The following DGKI variants were observed in gnomAD, a reference collection of about 807,000 sequenced individuals.
The protein encoded by DGKI is DAG kinase iota.
DGKI carries 55 observed loss-of-function variants against 147.5 expected under a neutral mutation model. That is an observed-to-expected ratio of 0.37 (90% CI 0.30 to 0.47). The LOEUF is 0.47. DGKI is among the 20% of genes least tolerant of loss of function. The pLI, the probability that DGKI is intolerant of heterozygous loss-of-function variation, is 1.00. For missense variants in DGKI, 1,007 were observed against 1,323.8 expected (o/e 0.76, Z 3.71); for synonymous variants, 469 against 477.1 (o/e 0.98, Z 0.22).
intron 1 of DGKI, among the ~76,000 whole-genome samples, chr7:137,809,669 C>A (rs773137677): frequency 6.6e-6 from 1 of 152,090 alleles, no homozygotes. Context: ...CATTCTTGGA[C>A]GCCAAGGAAG....
rs780728317 is a variant in DGKI at position 137,444,101 on chromosome 7, A to T, written c.2737T>A (p.Ser913Thr). The T allele has an allele frequency of 1.3e-6, 2 of 1,502,900 alleles. No individual in the cohort carries two copies. Among genetic ancestry groups the T allele is most frequent in the Non-Finnish European group, 1.8e-6 (2 of 1,102,216 alleles). The allele number at this position is 1,502,900 out of a possible 1,614,324, so 93.1% of individuals were successfully genotyped here. The change falls in exon 28 of 33, where the codon TCA (serine) becomes ACA (threonine). Residue 913 changes from serine (S) to threonine (T), a missense_variant and splice_region_variant. Ser to Thr is a moderately conservative substitution (Grantham distance 58, BLOSUM62 1). Transcript: ENST00000614521. ...KDLSHSRVLQ[S>T]PVSSEDHAIL... ...CCATGATCTTCTGAAGAGACTGGTG[A>T]CCTAAAAGGAAATAATAAGCATGAT...
chr7:137,781,177 C>CA (rs1796507496), intron 1 of DGKI, among the ~76,000 whole-genome samples: 1 of 152,064 alleles, frequency 6.6e-6, no homozygotes, highest in Non-Finnish European at 1.5e-5. Flanking sequence ...CTGAGACAGC[C>CA]ATATCAGGAC....
Position 137,540,761 on chromosome 7 carries a change from CCAAAAAAAAAA to C in DGKI, c.2147+11597_2147+11607del, listed in dbSNP as rs1585212386. 5.1e-4 allele frequency among the ~76,000 whole-genome samples: 18 copies of C among 35,540 alleles called. No individual in the cohort carries two copies. The East Asian group carries it at 0.014, about 28-fold the overall frequency. 23.3% of individuals were successfully genotyped at this position (35,540 alleles called of 152,430 possible). A position where few individuals can be genotyped will look rare whatever the true frequency, so the allele number is the denominator to read the frequency against. ...GGAAACAAACATTTTAAAAACCCCCCCAAAAAAAAAAAAAAAAAAAAAAAAAACATTTACAA... is the reference window on the plus strand; with the variant it reads ...GGAAACAAACATTTTAAAAACCCCCCAAAAAAAAAAAAAAAACATTTACAA... On this transcript the variant is annotated intron_variant, in intron 20 of 32. Coordinates refer to ENST00000614521, the MANE Select transcript of DGKI (RefSeq NM_001321708.2).
At chr7:137,541,147 G>A (rs1817688488) in intron 20 of DGKI, among the ~76,000 whole-genome samples, 1 of 152,156 alleles carries the variant, frequency 6.6e-6, no homozygotes, top group African/African-American at 2.4e-5. Context: ...TTACTATAAA[G>A]GTACAATAAT....
intron 1 of DGKI, among the ~76,000 whole-genome samples, chr7:137,780,685 T>C (rs1233282844): frequency 6.6e-6 from 1 of 152,202 alleles, no homozygotes; most frequent in African/African-American, 2.4e-5. Context: ...TCACATAACA[T>C]GATGTTTCAG....
At chr7:137,589,685 G>C (rs1819538955) in intron 12 of DGKI, among the ~76,000 whole-genome samples, 1 of 152,128 alleles carries the variant, frequency 6.6e-6, no homozygotes, top group African/African-American at 2.4e-5. Context: ...TAAATACTCA[G>C]AAAAAGCCCA....
intron 3 of DGKI, among the ~76,000 whole-genome samples, chr7:137,670,579 GCAGA>G (rs1822808990): frequency 6.6e-6 from 1 of 152,232 alleles, no homozygotes; most frequent in Non-Finnish European, 1.5e-5. Context: ...GAACTCAGTA[GCAGA>G]CAGTGTGTCT....
rs760974793 is a variant in DGKI, at chr7:137,469,525, T to C, written c.2443+25A>G. The C allele has an allele frequency of 3.7e-6, 6 of 1,612,610 alleles. No individual in the cohort carries two copies. The East Asian group carries it at 1.1e-4, about 30-fold the overall frequency. ...TCTTCAACTTCCCCAACTCCCACGATACCCGCAAGAAAGGCAGAACTCACC... is the reference window on the plus strand; with the variant it reads ...TCTTCAACTTCCCCAACTCCCACGACACCCGCAAGAAAGGCAGAACTCACC... On this transcript the variant is annotated intron_variant, in intron 24 of 32. Coordinates refer to ENST00000614521, the MANE Select transcript of DGKI (RefSeq NM_001321708.2).
At chr7:137,596,691 T>C (rs1308504659) in intron 12 of DGKI, among the ~76,000 whole-genome samples, 1 of 152,174 alleles carries the variant, frequency 6.6e-6, no homozygotes, top group Non-Finnish European at 1.5e-5. Flanking sequence ...AAAGACTATT[T>C]TTCCCAACTG....
chr7:137,394,030 T>C (rs1585071285), intron 32 of DGKI, among the ~76,000 whole-genome samples: 1 of 152,184 alleles, frequency 6.6e-6, no homozygotes, highest in African/African-American at 2.4e-5. Context: ...GCCCCAAACC[T>C]GAGCTACTCG....
At chr7:137,497,966 A>T (rs978186602) in intron 21 of DGKI, among the ~76,000 whole-genome samples, 2 of 152,120 alleles carry the variant, frequency 1.3e-5, no homozygotes, top group Non-Finnish European at 2.9e-5. Flanking sequence ...AAGTTTTTTT[A>T]AAAATAGAAA....
At chr7:137,809,249 G>A (rs184117982) in intron 1 of DGKI, among the ~76,000 whole-genome samples, 5 of 152,194 alleles carry the variant, frequency 3.3e-5, no homozygotes, top group Non-Finnish European at 7.4e-5. Flanking sequence ...AACTGGAGAC[G>A]GGAACAGGAG....
At position 137,587,092 on chromosome 7, in the gene DGKI, C is replaced by A; in HGVS notation, c.1425+5G>T. On this transcript the variant is annotated splice_donor_5th_base_variant and intron_variant, in intron 13 of 32. Transcript: ENST00000614521. The stretch of plus-strand genomic sequence containing the variant: ...ATATGGGCAGTCCCCGAGAGCAGTT[C>A]TTACCCCTCCCCAGTTGAGAGTTCG... The A allele has an allele frequency of 1.3e-6, 2 of 1,589,392 alleles. No individual in the cohort carries two copies. Among genetic ancestry groups the A allele is most frequent in the Non-Finnish European group, 8.5e-7 (1 of 1,171,282 alleles).
At chr7:137,657,449 A>G (rs1822266787) in intron 3 of DGKI, among the ~76,000 whole-genome samples, 1 of 152,216 alleles carries the variant, frequency 6.6e-6, no homozygotes, top group African/African-American at 2.4e-5. Context: ...CTCTAATGAT[A>G]AAAAATGGAC....
At chr7:137,404,553 T>C (rs534372169) in intron 30 of DGKI, among the ~76,000 whole-genome samples, 3 of 152,316 alleles carry the variant, frequency 2.0e-5, no homozygotes, top group Admixed American at 2.0e-4. Flanking sequence ...AGATGGATTG[T>C]GCTCTCCCAT....
At chr7:137,803,218 C>G (rs1797267523) in intron 1 of DGKI, among the ~76,000 whole-genome samples, 1 of 152,180 alleles carries the variant, frequency 6.6e-6, no homozygotes, top group Admixed American at 6.5e-5. Flanking sequence ...AAATTCAGGA[C>G]ACAGTGAGGA....
At chr7:137,455,940 A>G (rs1447040945) in intron 27 of DGKI, among the ~76,000 whole-genome samples, 1 of 152,126 alleles carries the variant, frequency 6.6e-6, no homozygotes, top group Admixed American at 6.5e-5. Flanking sequence ...CAAAATGATC[A>G]CTCTTTCACA....
chr7:137,735,154 C>T (rs1794987676), intron 1 of DGKI, among the ~76,000 whole-genome samples: 1 of 152,120 alleles, frequency 6.6e-6, no homozygotes, highest in Non-Finnish European at 1.5e-5. Context: ...TCCCATTTAA[C>T]ACCCTTTAGG....
At chr7:137,415,004 G>C (rs1323587094) in intron 28 of DGKI, among the ~76,000 whole-genome samples, 1 of 152,138 alleles carries the variant, frequency 6.6e-6, no homozygotes, top group Non-Finnish European at 1.5e-5. Context: ...CTGCACATAA[G>C]TACATGAAAA....
Sources: gnomAD v4.1 joint callset for allele counts (sites outside exome capture counted in the v4.1 genomes callset) on GRCh38, gnomAD v4.1.1 for gene constraint, MANE v1.5 for transcripts, NCBI Gene and HGNC (gene_info 2026-07-23, HGNC 2026-07-21) for gene names.